Variants in SRGAP3 observed in about 807,000 individuals in gnomAD.
The protein encoded by SRGAP3 is SLIT-ROBO Rho GTPase activating protein 3, also known as SLIT-ROBO Rho GTPase-activating protein 3.
In SRGAP3, 39 loss-of-function variants were observed where a neutral mutation model predicts 121.1. The observed-to-expected ratio is 0.32, with a 90% CI of 0.25 to 0.42. SRGAP3 has a LOEUF of 0.42. SRGAP3 is among the 10% of genes least tolerant of loss of function. The pLI, the probability that SRGAP3 is intolerant of heterozygous loss-of-function variation, is 1.00. For synonymous variants in SRGAP3, 601 were observed against 570.0 expected (o/e 1.05, Z -0.77); for missense variants, 1,213 against 1,470.6 (o/e 0.82, Z 2.86).
chr3:9,130,036 A>G (rs776952476), intron 1 of SRGAP3, among the ~76,000 whole-genome samples: 1 of 152,174 alleles, frequency 6.6e-6, no homozygotes, highest in Admixed American at 6.5e-5. Context: ...TGCTGGGATT[A>G]CAAGCATGAG....
chr3:8,993,259 G>A (rs774088391), intron 19 of SRGAP3, among the ~76,000 whole-genome samples: 3 of 152,158 alleles, frequency 2.0e-5, no homozygotes, highest in Non-Finnish European at 4.4e-5. Context: ...TCCGCAGCTG[G>A]GACCCTCTTC....
intron 1 of SRGAP3, among the ~76,000 whole-genome samples, chr3:9,144,171 C>A (rs1032100371): frequency 1.4e-4 from 22 of 152,248 alleles, no homozygotes; most frequent in African/African-American, 5.3e-4. Context: ...TTCAATGGAT[C>A]ATGGTTGCTT....
At chr3:9,361,304 C>T (rs1225991950) in intron 1 of SRGAP3, among the ~76,000 whole-genome samples, 1 of 151,956 alleles carries the variant, frequency 6.6e-6, no homozygotes, top group African/African-American at 2.4e-5. Context: ...AGAGTTTTGC[C>T]ATGTTGCCAG....
intron 11 of SRGAP3, chr3:9,037,807 G>A (rs932160350): frequency 1.7e-6 from 1 of 580,938 alleles, no homozygotes; most frequent in Admixed American, 3.0e-5. Flanking sequence ...CGCAAAGGGA[G>A]GGTGCCCCAC....
chr3:8,990,917 A>G, intron 20 of SRGAP3, 78 bp from the exon 21 acceptor site: 2 of 1,268,868 alleles, frequency 1.6e-6, no homozygotes, highest in African/African-American at 1.5e-5. Flanking sequence ...AGTCAACCCC[A>G]TGCCACACAC....
intron 3 of SRGAP3, among the ~76,000 whole-genome samples, chr3:9,092,963 C>T (rs913104468): frequency 2.8e-5 from 4 of 144,898 alleles, no homozygotes; most frequent in African/African-American, 8.2e-5. Context: ...TATACATATT[C>T]TCTCTCTCTC....
chr3:9,303,461 A>G (rs933644402), intron 3 of SRGAP3, among the ~76,000 whole-genome samples: 1 of 151,668 alleles, frequency 6.6e-6, no homozygotes, highest in Non-Finnish European at 1.5e-5. Flanking sequence ...CATAAGACCT[A>G]CCCTCTTAAT....
intron 11 of SRGAP3, chr3:9,037,726 C>A: frequency 2.4e-6 from 1 of 409,824 alleles, no homozygotes; most frequent in Non-Finnish European, 4.5e-6. Context: ...ACAGCCACCC[C>A]ACAGCCTCTG....
intron 1 of SRGAP3, among the ~76,000 whole-genome samples, chr3:9,346,212 G>A (rs1955888707): frequency 6.6e-6 from 1 of 151,772 alleles, no homozygotes; most frequent in Non-Finnish European, 1.5e-5. Flanking sequence ...GTATGTTAAA[G>A]TGTAATGTTG....
intron 9 of SRGAP3, among the ~76,000 whole-genome samples, chr3:9,048,510 G>A (rs368036737): frequency 6.6e-6 from 1 of 152,162 alleles, no homozygotes; most frequent in Admixed American, 6.5e-5. Flanking sequence ...GTCAGGCGGT[G>A]GTGAATGCTA....
chr3:9,228,555 G>A (rs1486260085), intron 1 of SRGAP3, among the ~76,000 whole-genome samples: 1 of 152,186 alleles, frequency 6.6e-6, no homozygotes, highest in African/African-American at 2.4e-5. Flanking sequence ...ATCCTTGGGG[G>A]TTACACTAGC....
intron 1 of SRGAP3, among the ~76,000 whole-genome samples, chr3:9,361,275 G>A (rs1237032428): frequency 6.6e-6 from 1 of 151,908 alleles, no homozygotes; most frequent in Non-Finnish European, 1.5e-5. Context: ...GCTAATTTTT[G>A]TCATTTTTTT....
At chr3:9,260,144 T>C (rs1422499378) in intron 3 of SRGAP3, among the ~76,000 whole-genome samples, 1 of 152,154 alleles carries the variant, frequency 6.6e-6, no homozygotes, top group African/African-American at 2.4e-5. Context: ...TCCCATTGTC[T>C]TCGCAACCCA....
intron 3 of SRGAP3, among the ~76,000 whole-genome samples, chr3:9,267,732 T>C (rs900249078): frequency 6.6e-6 from 1 of 152,154 alleles, no homozygotes. Flanking sequence ...CTTTGTGTTA[T>C]AGCAGGGGAC....
chr3:9,139,760 C>A (rs1949784909), intron 1 of SRGAP3, among the ~76,000 whole-genome samples: 1 of 152,154 alleles, frequency 6.6e-6, no homozygotes, highest in African/African-American at 2.4e-5. Context: ...AGAGTACAGT[C>A]TAAAGCTCTG....
At chr3:9,091,145 T>A (rs1449449904) in intron 3 of SRGAP3, among the ~76,000 whole-genome samples, 3 of 151,990 alleles carry the variant, frequency 2.0e-5, no homozygotes, top group Non-Finnish European at 4.4e-5. Context: ...TCCTAAACAA[T>A]CTTTTAGAAA....
chr3:9,119,429 C>A (rs1055113332), intron 2 of SRGAP3, among the ~76,000 whole-genome samples: 1 of 152,204 alleles, frequency 6.6e-6, no homozygotes, highest in Non-Finnish European at 1.5e-5. Flanking sequence ...CCCACACTCA[C>A]CAGTTCCAGC....
intron 2 of SRGAP3, among the ~76,000 whole-genome samples, chr3:9,110,461 C>G (rs1380269883): frequency 6.6e-6 from 1 of 152,246 alleles, no homozygotes; most frequent in Non-Finnish European, 1.5e-5. Context: ...TTTACAAATG[C>G]TGTGGCCACA....
At position 9,032,747 on chromosome 3, in the gene SRGAP3, G is replaced by A; in HGVS notation, c.1442C>T (p.Pro481Leu). Residue 481 changes from proline to leucine, a missense_variant, in exon 12 of 22, where the codon CCC becomes CTC. Around this residue, in one of 2 missense-constraint regions of SRGAP3, gnomAD observed 793 missense variants for 1,032.9 expected, o/e 0.77. Coordinates refer to ENST00000383836, the MANE Select transcript of SRGAP3 (RefSeq NM_014850.4). ...TTTCTGTGGTTTAGGGGGAAGACAG[G>A]GGGGCCTAGGGGAAAACGGAACAAA... ...ERAECGTTRP[P>L]CLPPKPQKMR... 1.2e-6 allele frequency: 2 copies of A among 1,613,138 alleles called. No individual in the cohort carries two copies. The highest frequency in any genetic ancestry group is 1.7e-6 in the Non-Finnish European group (2 of 1,179,608).
Sources: gnomAD v4.1 joint callset for allele counts (sites outside exome capture counted in the v4.1 genomes callset) on GRCh38, gnomAD v4.1.1 for gene constraint, gnomAD v4.1.1 regional missense constraint, MANE v1.5 for transcripts, NCBI Gene and HGNC (gene_info 2026-07-23, HGNC 2026-07-21) for gene names.